The following MAGI2 variants were observed in gnomAD, a reference collection of about 807,000 sequenced individuals.
MAGI2 encodes the protein membrane-associated guanylate kinase, WW and PDZ domain-containing protein 2.
A neutral mutation model predicts 133.3 loss-of-function variants in MAGI2; 35 were observed. The observed-to-expected ratio is 0.26, with a 90% CI of 0.20 to 0.35. MAGI2 has a LOEUF of 0.35. Ranked by LOEUF, MAGI2 falls within the 10% of genes least tolerant of loss-of-function variation. The pLI is 1.00. For missense variants in MAGI2, 1,636 were observed against 1,863.4 expected (o/e 0.88, Z 2.25); for synonymous variants, 729 against 710.6 (o/e 1.03, Z -0.41).
At chr7:78,930,831 A>C (rs998386926) in intron 2 of MAGI2, among the ~76,000 whole-genome samples, 4 of 152,050 alleles carry the variant, frequency 2.6e-5, no homozygotes, top group African/African-American at 9.7e-5. Flanking sequence ...TCTGTTTCCT[A>C]TTCTCCTCAC....
At chr7:78,188,734 T>C (rs1472371003) in intron 12 of MAGI2, among the ~76,000 whole-genome samples, 1 of 152,184 alleles carries the variant, frequency 6.6e-6, no homozygotes, top group Non-Finnish European at 1.5e-5. Flanking sequence ...TGGGAAGGCA[T>C]GATGGCCTTT....
chr7:79,349,014 G>A (rs1360920836), intron 1 of MAGI2, among the ~76,000 whole-genome samples: 9 of 151,774 alleles, frequency 5.9e-5, no homozygotes, highest in Admixed American at 5.9e-4. Context: ...AGACATCTCT[G>A]TTATGTAAGT....
chr7:78,177,398 A>C (rs1225400768), intron 14 of MAGI2, among the ~76,000 whole-genome samples: 2 of 150,236 alleles, frequency 1.3e-5, no homozygotes, highest in Non-Finnish European at 3.0e-5. Context: ...CTAGTATTTT[A>C]TGTTTCACTG....
At chr7:78,985,032 TG>T (rs1438021697) in intron 2 of MAGI2, among the ~76,000 whole-genome samples, 1 of 151,640 alleles carries the variant, frequency 6.6e-6, no homozygotes, top group Non-Finnish European at 1.5e-5. Context: ...GTTTGGGTCT[TG>T]TTCTGTTGTC....
chr7:79,355,569 C>T (rs941396812), intron 1 of MAGI2, among the ~76,000 whole-genome samples: 1 of 152,164 alleles, frequency 6.6e-6, no homozygotes, highest in Non-Finnish European at 1.5e-5. Context: ...AACCCACAGT[C>T]AACTCAATGG....
intron 2 of MAGI2, among the ~76,000 whole-genome samples, chr7:78,846,060 T>G (rs1418903647): frequency 6.6e-6 from 1 of 151,860 alleles, no homozygotes; most frequent in Non-Finnish European, 1.5e-5. Context: ...ACTTTTTAGG[T>G]TTTAGAAGTA....
intron 9 of MAGI2, among the ~76,000 whole-genome samples, chr7:78,269,307 G>A (rs769048663): frequency 2.0e-5 from 3 of 152,146 alleles, no homozygotes; most frequent in Non-Finnish European, 2.9e-5. Context: ...AACCAGTAAT[G>A]GGATTGTTGA....
intron 1 of MAGI2, among the ~76,000 whole-genome samples, chr7:79,403,149 T>A (rs1181800997): frequency 1.3e-5 from 2 of 152,196 alleles, no homozygotes; most frequent in Admixed American, 6.5e-5. Flanking sequence ...ATCCAATGTA[T>A]AATAAAAATT....
chr7:78,411,655 G>A (rs1416235234), intron 6 of MAGI2, among the ~76,000 whole-genome samples: 1 of 152,064 alleles, frequency 6.6e-6, no homozygotes, highest in South Asian at 2.1e-4. Context: ...GGTTTGTGTG[G>A]AACAACCAAT....
At chr7:78,506,331 C>T (rs1795083897) in intron 4 of MAGI2, among the ~76,000 whole-genome samples, 2 of 151,966 alleles carry the variant, frequency 1.3e-5, no homozygotes, top group Admixed American at 6.6e-5. Flanking sequence ...TTTGGGCACA[C>T]TGAGTTAGAG....
rs958746555 is a variant in MAGI2, at chr7:78,582,426, G to A, written c.538+44694C>T. The stretch of plus-strand genomic sequence containing the variant: ...ATAAAAGAAGGGAACAATTGCACCT[G>A]GAATTGCACCAAAGCATACTTTGGA... On this transcript the variant is annotated intron_variant, in intron 3 of 21. Transcript: ENST00000354212. 8.5e-5 allele frequency among the ~76,000 whole-genome samples: 13 copies of A among 152,194 alleles called. 1 individual carries two copies. Among genetic ancestry groups the A allele is most frequent in the African/African-American group, 2.7e-4 (11 of 41,450 alleles).
intron 6 of MAGI2, among the ~76,000 whole-genome samples, chr7:78,482,549 T>C (rs1336419918): frequency 6.6e-6 from 1 of 151,898 alleles, no homozygotes; most frequent in Non-Finnish European, 1.5e-5. Context: ...ATCCATGCCA[T>C]AGCCTACTGG....
intron 16 of MAGI2, among the ~76,000 whole-genome samples, chr7:78,157,049 A>G (rs1824466399): frequency 6.6e-6 from 1 of 152,198 alleles, no homozygotes; most frequent in African/African-American, 2.4e-5. Context: ...GCTTTTTACC[A>G]TTCACGAGAC....
intron 3 of MAGI2, among the ~76,000 whole-genome samples, chr7:78,569,403 G>T (rs1295007199): frequency 6.6e-6 from 1 of 152,136 alleles, no homozygotes; most frequent in African/African-American, 2.4e-5. Flanking sequence ...CTACATGCAT[G>T]TGCAAGGACA....
intron 1 of MAGI2, among the ~76,000 whole-genome samples, chr7:79,265,210 A>G (rs1414954463): frequency 1.3e-5 from 2 of 152,150 alleles, no homozygotes; most frequent in African/African-American, 4.8e-5. Context: ...TTAAAAATGC[A>G]CATTCTCATT....
At chr7:78,656,341 A>G (rs1041071567) in intron 2 of MAGI2, among the ~76,000 whole-genome samples, 1 of 152,234 alleles carries the variant, frequency 6.6e-6, no homozygotes, top group Admixed American at 6.5e-5. Context: ...TCCATATACA[A>G]TGAAATGTTA....
chr7:78,323,663 T>C (rs1302464800), intron 9 of MAGI2, among the ~76,000 whole-genome samples: 1 of 152,188 alleles, frequency 6.6e-6, no homozygotes, highest in Non-Finnish European at 1.5e-5. Flanking sequence ...CCCGGCCCCA[T>C]AGAACCTAGT....
At chr7:78,786,150 CA>C (rs1255342312) in intron 2 of MAGI2, among the ~76,000 whole-genome samples, 3 of 151,202 alleles carry the variant, frequency 2.0e-5, no homozygotes, top group Admixed American at 6.6e-5. Flanking sequence ...AAAAAAAAAA[CA>C]AAAAAACCTT....
intron 2 of MAGI2, among the ~76,000 whole-genome samples, chr7:78,962,583 A>G (rs1209123821): frequency 2.0e-5 from 3 of 151,636 alleles, no homozygotes; most frequent in East Asian, 1.9e-4. Flanking sequence ...AGGTTCCAAA[A>G]TAAAAAACTC....
Sources: allele counts gnomAD v4.1 joint callset (sites outside exome capture counted in the v4.1 genomes callset), GRCh38; gene constraint gnomAD v4.1.1; transcripts MANE v1.5; gene names NCBI Gene and HGNC (gene_info 2026-07-23, HGNC 2026-07-21).